Variants in EBF3 observed in about 807,000 individuals in gnomAD.
EBF3 encodes EBF transcription factor 3.
In EBF3, 18 loss-of-function variants were observed where a neutral mutation model predicts 77.1. The ratio of observed to expected loss-of-function variants is 0.23; its 90% confidence interval spans 0.16 to 0.35. EBF3 has a LOEUF of 0.35. Among genes scored for constraint, EBF3 ranks in the 10% least tolerant of loss-of-function variants. The pLI is 1.00. For synonymous variants in EBF3, 350 were observed against 343.5 expected, an observed-to-expected ratio of 1.02 and a Z score of -0.21; for missense variants, 558 against 860.0, an observed-to-expected ratio of 0.65 and a Z score of 4.39.
chr10:129,948,836 C>G (rs1858442677), intron 6 of EBF3, among the ~76,000 whole-genome samples: 1 of 152,188 alleles, frequency 6.6e-6, no homozygotes, highest in South Asian at 2.1e-4. Flanking sequence ...TGCCCTGCCC[C>G]CCAGGCTGTT....
rs549479700 is a variant in EBF3, at chr10:129,927,026, T to C, written c.554+30232A>G. On this transcript the variant is annotated intron_variant, in intron 6 of 16. Coordinates refer to ENST00000440978, the MANE Select transcript of EBF3 (RefSeq NM_001375380.1). ...ACCGCTGCTCCCTTGGGCAGTGCCA[T>C]TGGCCACGAGAGGAAGTCAGGCGCA... Among the ~76,000 whole-genome samples, 35 of 152,352 alleles carry C rather than the reference T, an allele frequency of 2.3e-4. 1 individual carries two copies. In the South Asian group the frequency reaches 4.8e-3, roughly 21 times the overall value.
rs564891426 is a variant in EBF3, at chr10:129,922,866, G to C, written c.554+34392C>G. 3.9e-5 allele frequency among the ~76,000 whole-genome samples: 6 copies of C among 152,326 alleles called. No individual in the cohort carries two copies. In the South Asian group the frequency reaches 1.2e-3, roughly 32 times the overall value. On this transcript the variant is annotated intron_variant, in intron 6 of 16. Coordinates refer to ENST00000440978, the MANE Select transcript of EBF3 (RefSeq NM_001375380.1). ...GGTTGGGGCTCCTCTCTGCAGACCA[G>C]AGGCATGGAAGGAGGGTTCCAGATG... is the stretch of plus-strand genomic sequence containing the variant.
chr10:129,840,162 G>T, intron 15 of EBF3, 83 bp downstream of exon 15: 2 of 1,466,166 alleles, frequency 1.4e-6, no homozygotes, highest in Non-Finnish European at 1.8e-6. Flanking sequence ...GGTGCCAGGA[G>T]AAAGGCCGAG....
rs939134422 is a variant in EBF3, at chr10:129,885,270, G to A, written c.555-7421C>T. ...ATATCCCCTTCCAGAACAGATCCCC[G>A]CCAAGTCCTCCGTTTGGAGAAATTT... On this transcript the variant is annotated intron_variant, in intron 6 of 16. Coordinates refer to ENST00000440978, the MANE Select transcript of EBF3 (RefSeq NM_001375380.1). The surrounding 1 kb of genome is among the most constrained non-coding windows in gnomAD (Gnocchi z 4.0). Among the ~76,000 whole-genome samples the A allele has an allele frequency of 2.6e-5, 4 of 152,010 alleles. No homozygotes were observed. Among genetic ancestry groups the A allele is most frequent in the Admixed American group, 6.6e-5 (1 of 15,262 alleles).
chr10:129,892,313 T>C (rs981109270), intron 6 of EBF3, among the ~76,000 whole-genome samples: 12 of 152,222 alleles, frequency 7.9e-5, no homozygotes, highest in Admixed American at 2.6e-4. Flanking sequence ...TGCCCCTGCT[T>C]TGGAACCCAC....
intron 6 of EBF3, among the ~76,000 whole-genome samples, chr10:129,915,313 G>T (rs943430856): frequency 1.3e-5 from 2 of 152,200 alleles, no homozygotes; most frequent in African/African-American, 4.8e-5. Context: ...GATGGCTGGG[G>T]GTTCCTCTTG....
intron 6 of EBF3, among the ~76,000 whole-genome samples, chr10:129,888,947 C>T (rs529533258): frequency 2.0e-5 from 3 of 152,280 alleles, no homozygotes; most frequent in African/African-American, 7.2e-5. Context: ...TGGGCCTATA[C>T]AGATGGTGGC....
Position 129,864,975 on chromosome 10 carries a change from G to C in EBF3, c.1039+2166C>G, listed in dbSNP as rs899717180. On this transcript the variant is annotated intron_variant, in intron 10 of 16. Coordinates refer to ENST00000440978, the MANE Select transcript of EBF3 (RefSeq NM_001375380.1). The surrounding 1 kb of genome is among the most constrained non-coding windows in gnomAD (Gnocchi z 4.4). ...CCCGATCCTTGCCAAAACCTTGCCA[G>C]ATAGAGCAGAGGAGAAATTGGGACC... 1.3e-5 allele frequency among the ~76,000 whole-genome samples: 2 copies of C among 152,240 alleles called. No individual in the cohort carries two copies. The highest frequency in any genetic ancestry group is 4.8e-5 in the African/African-American group (2 of 41,462).
chr10:129,867,399 AC>A, intron 9 of EBF3, 132 bp from the exon 10 acceptor site: 2 of 1,390,680 alleles, frequency 1.4e-6, no homozygotes, highest in Non-Finnish European at 1.9e-6. Context: ...CCTAGCTGTC[AC>A]CCAGAGTCCC....
In EBF3 at chr10:129,963,219, G is replaced by C. The variant is rs1028392215; in HGVS notation, c.291+148C>G. The C allele has an allele frequency of 1.6e-6, 2 of 1,235,108 alleles. No individual in the cohort carries two copies. The highest frequency in any genetic ancestry group is 1.1e-6 in the Non-Finnish European group (1 of 936,676). The allele number at this position is 1,235,108 out of a possible 1,614,324, so 76.5% of individuals were successfully genotyped here. A position where few individuals can be genotyped will look rare whatever the true frequency, so the allele number is the denominator to read the frequency against. On this transcript the variant is annotated intron_variant, in intron 2 of 16. Transcript: ENST00000440978. This position sits in a 1 kb window ranked among gnomAD's most constrained non-coding sequence, Gnocchi z 7.1. ...GCAGAGAAGTTGCCCAGCCCTCGGC[G>C]GTCCCGGGCGGCCGCACGTGGCGGC...
At chr10:129,839,010 C>A in intron 16 of EBF3, 73 bp downstream of exon 16, 1 of 1,272,884 alleles carries the variant, frequency 7.9e-7, no homozygotes, top group Non-Finnish European at 1.0e-6. Flanking sequence ...CAGTCGGCGG[C>A]ACTTCGGGGG....
chr10:129,910,081 G>A lies in EBF3; in HGVS notation c.555-32232C>T, dbSNP rs77153732. Among the ~76,000 whole-genome samples, 546 of 152,302 alleles carry A rather than the reference G, an allele frequency of 3.6e-3. 1 individual carries two copies. Among genetic ancestry groups the A allele is most frequent in the African/African-American group, 0.012 (505 of 41,556 alleles). ...GGCACTGCAGGCAGGCGTGGAGGCC[G>A]TCAGCAGTGCCGCGCTAACGAGCCC... On this transcript the variant is annotated intron_variant, in intron 6 of 16. Coordinates refer to ENST00000440978, the MANE Select transcript of EBF3 (RefSeq NM_001375380.1).
Position 129,962,162 on chromosome 10 carries a change from C to T in EBF3, c.411+9G>A. ...GTGAAAACTCGTGCAGAGGCATAAA[C>T]TTTCTCACCTGTTTGGTCATTGAAT... On this transcript the variant is annotated intron_variant, in intron 4 of 16. Transcript: ENST00000440978. The T allele has an allele frequency of 1.2e-6, 2 of 1,614,128 alleles. No individual in the cohort carries two copies. The highest frequency in any genetic ancestry group is 1.7e-6 in the Non-Finnish European group (2 of 1,180,000).
chr10:129,843,488 C>T (rs747093637), intron 11 of EBF3: 27 of 374,504 alleles, frequency 7.2e-5, no homozygotes, highest in Admixed American at 4.7e-4. Flanking sequence ...CGGCGGAGAA[C>T]GAGCCCAATC....
intron 4 of EBF3, among the ~76,000 whole-genome samples, chr10:129,961,931 G>A (rs928058035): frequency 6.6e-6 from 1 of 152,202 alleles, no homozygotes; most frequent in Non-Finnish European, 1.5e-5. Context: ...AATTAAGACA[G>A]AATATGATTC....
chr10:129,933,608 C>G, intron 6 of EBF3, among the ~76,000 whole-genome samples: 1 of 152,238 alleles, frequency 6.6e-6, no homozygotes, highest in Non-Finnish European at 1.5e-5. Flanking sequence ...AGCCCAGCAG[C>G]CTCTGCAGGC....
intron 6 of EBF3, among the ~76,000 whole-genome samples, chr10:129,932,029 G>A (rs567819548): frequency 2.0e-5 from 3 of 152,298 alleles, no homozygotes; most frequent in African/African-American, 7.2e-5. Context: ...CCAGCCAGAG[G>A]AAGAAGAGAG....
At position 129,917,651 on chromosome 10, in the gene EBF3, C is replaced by CAAAAAAAAA. The variant is rs71481019; in HGVS notation, c.554+39598_554+39606dup. ...TGGGCACCACAGCAAGACCCTGCCT[C>CAAAAAAAAA]AAAAAAAAAAAAAAAAAAAAAAAAA... is the stretch of plus-strand genomic sequence containing the variant. On this transcript the variant is annotated intron_variant, in intron 6 of 16. Coordinates refer to ENST00000440978, the MANE Select transcript of EBF3 (RefSeq NM_001375380.1). Among the ~76,000 whole-genome samples, 96 of 23,584 alleles carry CAAAAAAAAA rather than the reference C, an allele frequency of 4.1e-3. 12 individuals are homozygous for CAAAAAAAAA. Among genetic ancestry groups the CAAAAAAAAA allele is most frequent in the East Asian group, 5.8e-3 (5 of 856 alleles). 15.5% of individuals were successfully genotyped at this position (23,584 alleles called of 152,430 possible).
At chr10:129,865,742 G>C (rs974823064) in intron 10 of EBF3, among the ~76,000 whole-genome samples, 1 of 152,246 alleles carries the variant, frequency 6.6e-6, no homozygotes, top group Non-Finnish European at 1.5e-5. Context: ...TCCTAAGAAG[G>C]GAAGAGGCTG....
Sources: gnomAD v4.1 joint callset for allele counts (sites outside exome capture counted in the v4.1 genomes callset) on GRCh38, gnomAD v4.1.1 for gene constraint, Gnocchi (gnomAD v3.1) non-coding constraint, MANE v1.5 for transcripts, NCBI Gene and HGNC (gene_info 2026-07-23, HGNC 2026-07-21) for gene names.